Variants in FOXN3 observed in about 807,000 individuals in gnomAD.
FOXN3 encodes the protein forkhead box N3.
Under a neutral mutation model 38.4 loss-of-function variants are expected in FOXN3, and 7 were observed. That is an observed-to-expected ratio of 0.18 (90% confidence interval 0.10 to 0.34). The LOEUF (loss-of-function observed/expected upper bound fraction) is 0.34, where lower values mean the gene tolerates loss of function less well. FOXN3 is among the 10% of genes least tolerant of loss of function. The pLI is 1.00. For missense variants in FOXN3, 456 were observed against 613.4 expected, an observed-to-expected ratio of 0.74 and a Z score of 2.71; for synonymous variants, 230 against 242.2, an observed-to-expected ratio of 0.95 and a Z score of 0.47.
chr14:89,165,561 A>T (rs1475299135), intron 5 of FOXN3, among the ~76,000 whole-genome samples: 2 of 152,126 alleles, frequency 1.3e-5, no homozygotes, highest in African/African-American at 4.8e-5. Flanking sequence ...ACAGCCCCTG[A>T]GCTTTGGGGT....
intron 1 of FOXN3, among the ~76,000 whole-genome samples, chr14:89,595,355 C>T (rs1335554809): frequency 6.6e-6 from 1 of 151,830 alleles, no homozygotes; most frequent in East Asian, 1.9e-4. Context: ...TCTTCCATCT[C>T]ATAAACAACA....
Position 89,364,288 on chromosome 14 carries a change from TGAGA to T in FOXN3, c.544-13484_544-13481del, listed in dbSNP as rs550944505. On this transcript the variant is annotated intron_variant, in intron 2 of 5. Coordinates refer to ENST00000557258, the MANE Select transcript of FOXN3 (RefSeq NM_005197.4). ...AAAAAAAAAAGATTGCTGTAATAAC[TGAGA>T]GAAAGTTTCAGTTTTATGTCCAACC... is the stretch of plus-strand genomic sequence containing the variant. The T allele has an allele frequency of 1.2e-3, 178 of 151,568 alleles. 1 individual carries two copies. Among genetic ancestry groups the T allele is most frequent in the African/African-American group, 3.7e-3 (152 of 41,444 alleles). The allele number at this position is 151,568 out of a possible 1,614,324, so 9.4% of individuals were successfully genotyped here. A position where few individuals can be genotyped will look rare whatever the true frequency, so the allele number is the denominator to read the frequency against.
chr14:89,395,055 G>A (rs949314595), intron 2 of FOXN3, among the ~76,000 whole-genome samples: 4 of 152,158 alleles, frequency 2.6e-5, no homozygotes, highest in Non-Finnish European at 4.4e-5. Flanking sequence ...GAAATCACGC[G>A]TTCATGTGCA....
chr14:89,375,819 G>C (rs1053605158), intron 2 of FOXN3, among the ~76,000 whole-genome samples: 8 of 151,916 alleles, frequency 5.3e-5, no homozygotes, highest in Non-Finnish European at 1.2e-4. Flanking sequence ...GCCCAGGCTG[G>C]GATGCAATGG....
intron 1 of FOXN3, among the ~76,000 whole-genome samples, chr14:89,499,141 T>C (rs1893745569): frequency 6.6e-6 from 1 of 152,126 alleles, no homozygotes; most frequent in African/African-American, 2.4e-5. Flanking sequence ...TAATATTCTC[T>C]GGCCTCCTCC....
intron 2 of FOXN3, among the ~76,000 whole-genome samples, chr14:89,391,380 AT>A (rs1365226136): frequency 6.6e-6 from 1 of 152,196 alleles, no homozygotes; most frequent in Admixed American, 6.5e-5. Context: ...GTACGTTCAT[AT>A]TTCCAAAGAC....
At chr14:89,261,183 G>T (rs569277792) in intron 4 of FOXN3, among the ~76,000 whole-genome samples, 2 of 152,320 alleles carry the variant, frequency 1.3e-5, no homozygotes, top group South Asian at 4.1e-4. Flanking sequence ...AACCTAAAAG[G>T]AGAGAGACCC....
chr14:89,587,437 G>A (rs983054357), intron 1 of FOXN3, among the ~76,000 whole-genome samples: 2 of 152,164 alleles, frequency 1.3e-5, no homozygotes, highest in Admixed American at 6.5e-5. Context: ...GAAACTGAGC[G>A]AAGCCAGTGT....
At chr14:89,601,763 T>G (rs1170856899) in intron 1 of FOXN3, among the ~76,000 whole-genome samples, 2 of 152,110 alleles carry the variant, frequency 1.3e-5, no homozygotes. Context: ...GTTTTTGTTT[T>G]TTTTTCCTGC....
intron 3 of FOXN3, among the ~76,000 whole-genome samples, chr14:89,320,955 G>A (rs1887878422): frequency 6.6e-6 from 1 of 152,132 alleles, no homozygotes; most frequent in South Asian, 2.1e-4. Flanking sequence ...CGGGGAGTTG[G>A]GGTCAAGGGG....
intron 1 of FOXN3, among the ~76,000 whole-genome samples, chr14:89,462,435 G>C (rs1292782098): frequency 6.6e-6 from 1 of 152,226 alleles, no homozygotes; most frequent in Non-Finnish European, 1.5e-5. Context: ...AACACTTAGA[G>C]TGTAGGATCT....
At chr14:89,329,965 ACG>A (rs1447165797) in intron 3 of FOXN3, among the ~76,000 whole-genome samples, 2 of 151,726 alleles carry the variant, frequency 1.3e-5, no homozygotes, top group Non-Finnish European at 2.9e-5. Context: ...GACTATGCTA[ACG>A]GTTTCAAGAT....
At chr14:89,278,506 C>G (rs140639857) in intron 4 of FOXN3, among the ~76,000 whole-genome samples, 1,992 of 152,312 alleles carry the variant, frequency 0.013, 47 homozygotes, top group African/African-American at 0.045. Flanking sequence ...TCTGCCAGTC[C>G]TGCTAGTGAT....
intron 2 of FOXN3, among the ~76,000 whole-genome samples, chr14:89,373,991 G>C (rs1296479320): frequency 2.0e-5 from 3 of 152,048 alleles, no homozygotes; most frequent in Non-Finnish European, 2.9e-5. Flanking sequence ...TAGGGCCAGG[G>C]GTGGTGGCTC....
chr14:89,371,558 C>T (rs1890319262), intron 2 of FOXN3, among the ~76,000 whole-genome samples: 1 of 151,936 alleles, frequency 6.6e-6, no homozygotes, highest in African/African-American at 2.4e-5. Flanking sequence ...GGTCCTCTCC[C>T]CAGTCTATAT....
chr14:89,467,276 C>T (rs1454793557), intron 1 of FOXN3, among the ~76,000 whole-genome samples: 2 of 152,124 alleles, frequency 1.3e-5, no homozygotes, highest in East Asian at 1.9e-4. Flanking sequence ...GGGTGCGTGT[C>T]GCCATCCACC....
chr14:89,263,867 C>T lies in FOXN3; in HGVS notation c.745+17083G>A, dbSNP rs897577131. The stretch of plus-strand genomic sequence containing the variant: ...AGGAGTTTGAGACCAGCCTGATCAA[C>T]ATGGTGAAACCCTGTCTCTACTAAA... On this transcript the variant is annotated intron_variant, in intron 4 of 5. Transcript: ENST00000557258. 5 of 152,148 alleles carry T rather than the reference C, an allele frequency of 3.3e-5. No homozygotes were observed. The East Asian group carries it at 9.6e-4, about 29-fold the overall frequency. 9.4% of individuals were successfully genotyped at this position (152,148 alleles called of 1,614,324 possible). A position where few individuals can be genotyped will look rare whatever the true frequency, so the allele number is the denominator to read the frequency against.
At chr14:89,249,198 A>G (rs989581154) in intron 4 of FOXN3, among the ~76,000 whole-genome samples, 2 of 152,342 alleles carry the variant, frequency 1.3e-5, no homozygotes, top group East Asian at 1.9e-4. Context: ...GTGGAAAGGA[A>G]CATTCTAGAA....
At chr14:89,192,909 T>C (rs1352923531) in intron 4 of FOXN3, among the ~76,000 whole-genome samples, 1 of 151,916 alleles carries the variant, frequency 6.6e-6, no homozygotes, top group East Asian at 1.9e-4. Context: ...CCGGGTCCCT[T>C]GGTCCCCCAC....
Sources: gnomAD v4.1 joint callset for allele counts (sites outside exome capture counted in the v4.1 genomes callset) on GRCh38, gnomAD v4.1.1 for gene constraint, MANE v1.5 for transcripts, NCBI Gene and HGNC (gene_info 2026-07-23, HGNC 2026-07-21) for gene names.